The following FRMPD2 variants were observed in gnomAD, a reference collection of about 807,000 sequenced individuals.
FRMPD2 encodes the protein FERM and PDZ domain-containing protein 2.
FRMPD2 carries 96 observed loss-of-function variants against 140.1 expected under a neutral mutation model. That is an observed-to-expected ratio of 0.69 (90% CI 0.58 to 0.81). FRMPD2 has a LOEUF of 0.81. Among genes scored for constraint, FRMPD2 ranks in the 40% least tolerant of loss-of-function variants. The probability of loss-of-function intolerance (pLI) is 0.00; values close to 1 mark genes in which losing one functional copy is unlikely to be tolerated. For missense variants in FRMPD2, 1,240 were observed against 1,447.4 expected, an observed-to-expected ratio of 0.86 and a Z score of 2.32; for synonymous variants, 449 against 547.6, an observed-to-expected ratio of 0.82 and a Z score of 2.52.
At position 48,178,067 on chromosome 10, in the gene FRMPD2, T is replaced by G. The variant is rs1838453666; in HGVS notation, c.2875A>C (p.Thr959Pro). Residue 959 changes from threonine (T) to proline (P), a missense_variant, in exon 22 of 29, where the codon ACA (threonine) becomes CCA (proline). By Grantham distance (38) the Thr-to-Pro change is conservative. Transcript: ENST00000374201. ...CTTACAGTTACACTGAATCCAAGTG[T>G]CCCATCTTCTTTAACCAGTTCCACA... ...YFVELVKEDG[T>P]LGFSVTGGIN... is the part of the protein sequence containing the mutation. 1 of 1,600,848 alleles carries G rather than the reference T, an allele frequency of 6.2e-7. No individual in the cohort carries two copies. Among genetic ancestry groups the G allele is most frequent in the East Asian group, 2.2e-5 (1 of 44,818 alleles).
chr10:48,256,398 C>T (rs1024461601), intron 1 of FRMPD2, among the ~76,000 whole-genome samples: 2 of 152,156 alleles, frequency 1.3e-5, no homozygotes, highest in Non-Finnish European at 2.9e-5. Context: ...TCTCTGTTAT[C>T]CCTAATTGTA....
chr10:48,271,511 G>T (rs1402273235), intron 1 of FRMPD2, among the ~76,000 whole-genome samples: 3 of 152,184 alleles, frequency 2.0e-5, no homozygotes, highest in African/African-American at 7.2e-5. Context: ...TCCTGGAACT[G>T]GTTCCTGTGC....
chr10:48,181,826 T>TATATG (rs1838555401), intron 20 of FRMPD2, among the ~76,000 whole-genome samples: 1 of 138,566 alleles, frequency 7.2e-6, no homozygotes, highest in African/African-American at 2.7e-5. Flanking sequence ...GATAAAAATA[T>TATATG]ATATGTATAT....
chr10:48,221,375 G>A (rs979490117), intron 12 of FRMPD2, among the ~76,000 whole-genome samples: 43 of 152,174 alleles, frequency 2.8e-4, no homozygotes, highest in African/African-American at 9.9e-4. Context: ...TCATAAGTGC[G>A]AGCTAAGCTA....
chr10:48,159,421 C>A (rs1378898811), intron 28 of FRMPD2, among the ~76,000 whole-genome samples: 3 of 151,406 alleles, frequency 2.0e-5, no homozygotes. Context: ...CTGCTAGAGG[C>A]AGCACCCAGG....
chr10:48,181,690 C>T (rs1409176594), intron 20 of FRMPD2, among the ~76,000 whole-genome samples: 11 of 151,696 alleles, frequency 7.3e-5, no homozygotes, highest in Admixed American at 7.2e-4. Context: ...GGGCAAGGTG[C>T]TTAACATAAC....
chr10:48,239,599 G>A lies in FRMPD2; in HGVS notation c.788+6C>T, dbSNP rs376020817. The A allele has an allele frequency of 1.2e-6, 2 of 1,612,028 alleles. No homozygotes were observed. The highest frequency in any genetic ancestry group is 2.7e-5 in the African/African-American group (2 of 75,020). ...TTCACAGCACCCTTTAGGCCTTGCT[G>A]CTTACCGGTTAACAAGGAGGCTGCA... On this transcript the variant is annotated splice_donor_region_variant and intron_variant, in intron 7 of 28. Transcript: ENST00000374201.
intron 13 of FRMPD2, among the ~76,000 whole-genome samples, chr10:48,209,517 TCTC>T (rs1839272464): frequency 2.0e-5 from 3 of 152,186 alleles, no homozygotes; most frequent in African/African-American, 4.8e-5. Context: ...ATAATGGTCT[TCTC>T]CTTTTTCTAA....
chr10:48,236,621 C>T, intron 8 of FRMPD2, 68 bp from the exon 9 acceptor site: 2 of 1,398,240 alleles, frequency 1.4e-6, no homozygotes, highest in South Asian at 1.2e-5. Flanking sequence ...GGGCTTCCCC[C>T]ATGATGCACC....
intron 16 of FRMPD2, among the ~76,000 whole-genome samples, chr10:48,188,196 C>A (rs550796862): frequency 6.6e-6 from 1 of 152,324 alleles, no homozygotes; most frequent in South Asian, 2.1e-4. Flanking sequence ...CAGCTTCAAG[C>A]AGCTGGACTA....
intron 10 of FRMPD2, among the ~76,000 whole-genome samples, chr10:48,226,181 C>A (rs1441059811): frequency 6.6e-6 from 1 of 152,180 alleles, no homozygotes; most frequent in African/African-American, 2.4e-5. Flanking sequence ...AAGACTGCAG[C>A]TATAAGGTCA....
At chr10:48,252,616 C>A (rs11101273) in intron 1 of FRMPD2, among the ~76,000 whole-genome samples, 8,694 of 152,178 alleles carry the variant, frequency 0.057, 848 homozygotes, top group African/African-American at 0.2. Flanking sequence ...CCAGCCTCCT[C>A]CAGCCTCAGG....
intron 1 of FRMPD2, among the ~76,000 whole-genome samples, chr10:48,257,247 GTTTTTATT>G (rs376713330): frequency 3.4e-4 from 52 of 151,268 alleles, no homozygotes; most frequent in East Asian, 7.8e-4. Flanking sequence ...TACCTTTACG[GTTTTTATT>G]TTTTTATTTT....
chr10:48,264,330 T>C (rs11101274), intron 1 of FRMPD2, among the ~76,000 whole-genome samples: 6,776 of 151,904 alleles, frequency 0.045, 496 homozygotes, highest in African/African-American at 0.16. Flanking sequence ...AAAAAAGAAA[T>C]AAAGTTATCT....
At chr10:48,271,490 G>C (rs1349559115) in intron 1 of FRMPD2, among the ~76,000 whole-genome samples, 1 of 152,182 alleles carries the variant, frequency 6.6e-6, no homozygotes, top group Non-Finnish European at 1.5e-5. Context: ...CCTCCTGCCT[G>C]GCACCAGCCC....
At chr10:48,237,421 C>T (rs533070023) in intron 8 of FRMPD2, among the ~76,000 whole-genome samples, 46 of 152,336 alleles carry the variant, frequency 3.0e-4, no homozygotes, top group African/African-American at 1.0e-3. Context: ...CAGTGCGGGC[C>T]AGGCCAGCGT....
rs146659879 is a variant in FRMPD2 at position 48,226,358 on chromosome 10, G to A, written c.1169-3088C>T. ...TCCTCCTCTTTGTCTTCCTCTAGCC[G>A]AACTCCTCTTTTTTCCAAACTGCTC... is the stretch of plus-strand genomic sequence containing the variant. On this transcript the variant is annotated intron_variant, in intron 10 of 28. Transcript: ENST00000374201. Among the ~76,000 whole-genome samples the A allele has an allele frequency of 2.5e-3, 387 of 152,088 alleles. 1 individual carries two copies. Among genetic ancestry groups the A allele is most frequent in the African/African-American group, 9.0e-3 (375 of 41,492 alleles).
At chr10:48,214,360 T>C (rs1399205025) in intron 12 of FRMPD2, among the ~76,000 whole-genome samples, 4 of 152,360 alleles carry the variant, frequency 2.6e-5, no homozygotes, top group East Asian at 3.9e-4. Context: ...CATGTCTTTA[T>C]ACATTTGTCA....
At chr10:48,246,184 T>C (rs1840244538) in intron 3 of FRMPD2, among the ~76,000 whole-genome samples, 1 of 152,156 alleles carries the variant, frequency 6.6e-6, no homozygotes, top group African/African-American at 2.4e-5. Flanking sequence ...CAGAACCAAT[T>C]GCAGTGACTG....
Sources: allele counts gnomAD v4.1 joint callset (sites outside exome capture counted in the v4.1 genomes callset), GRCh38; gene constraint gnomAD v4.1.1; transcripts MANE v1.5; gene names NCBI Gene and HGNC (gene_info 2026-07-23, HGNC 2026-07-21).